Variants in CDH18 observed in about 807,000 individuals in gnomAD.
The protein encoded by CDH18 is cadherin 18, also known as cadherin-18.
CDH18 carries 31 observed loss-of-function variants against 67.9 expected under a neutral mutation model. The ratio of observed to expected loss-of-function variants is 0.46; its 90% confidence interval spans 0.34 to 0.62. CDH18 has a LOEUF of 0.62. Ranked by LOEUF, CDH18 falls within the 20% of genes least tolerant of loss-of-function variation. The pLI, the probability that CDH18 is intolerant of heterozygous loss-of-function variation, is 0.01. For missense variants in CDH18, 890 were observed against 975.5 expected (o/e 0.91, Z 1.17); for synonymous variants, 362 against 347.2 (o/e 1.04, Z -0.48).
chr5:20,135,768 T>A (rs1363368915), intron 2 of CDH18, among the ~76,000 whole-genome samples: 1 of 152,188 alleles, frequency 6.6e-6, no homozygotes. Flanking sequence ...TTTAAATGTG[T>A]CCCAGAGATT....
intron 1 of CDH18, among the ~76,000 whole-genome samples, chr5:20,337,342 T>G (rs1739869952): frequency 6.6e-6 from 1 of 152,238 alleles, no homozygotes; most frequent in Non-Finnish European, 1.5e-5. Flanking sequence ...TTTTATGCTC[T>G]GCTTTCATTA....
At chr5:19,580,825 T>C (rs1413806384) in intron 7 of CDH18, among the ~76,000 whole-genome samples, 1 of 151,928 alleles carries the variant, frequency 6.6e-6, no homozygotes, top group Admixed American at 6.6e-5. Flanking sequence ...GTTATCCTGG[T>C]GGAAATCTAA....
upstream of CDH18, among the ~76,000 whole-genome samples, chr5:19,990,008 C>A (rs1799890843): frequency 1.3e-5 from 2 of 152,130 alleles, no homozygotes; most frequent in Non-Finnish European, 2.9e-5. Context: ...ATTATATATT[C>A]TTTATTATGC....
At chr5:20,344,415 G>T (rs1740536395) in intron 1 of CDH18, among the ~76,000 whole-genome samples, 2 of 152,030 alleles carry the variant, frequency 1.3e-5, no homozygotes, top group Non-Finnish European at 1.5e-5. Context: ...CTTGGTATGG[G>T]TAGATACCTT....
chr5:20,527,810 T>A (rs1464126711), intron 1 of CDH18, among the ~76,000 whole-genome samples: 1 of 151,894 alleles, frequency 6.6e-6, no homozygotes, highest in Admixed American at 6.6e-5. Context: ...AAAAACACAG[T>A]GAAGTACACA....
intron 2 of CDH18, among the ~76,000 whole-genome samples, chr5:19,903,566 T>TATATA (rs61210220): frequency 3.6e-5 from 5 of 139,670 alleles, no homozygotes; most frequent in African/African-American, 7.8e-5. Flanking sequence ...TATATATATA[T>TATATA]TTGTTGAGCC....
chr5:20,474,820 C>G (rs1210939951), intron 1 of CDH18, among the ~76,000 whole-genome samples: 1 of 152,120 alleles, frequency 6.6e-6, no homozygotes, highest in Non-Finnish European at 1.5e-5. Context: ...TTTATTTCAG[C>G]TAAGAATGTG....
intron 2 of CDH18, among the ~76,000 whole-genome samples, chr5:19,840,236 C>T (rs1782137161): frequency 7.0e-6 from 1 of 142,104 alleles, no homozygotes; most frequent in Non-Finnish European, 1.5e-5. Context: ...GATCGCACCA[C>T]TGCACTCCAG....
At chr5:20,265,905 T>C (rs1432911766) in intron 1 of CDH18, among the ~76,000 whole-genome samples, 1 of 152,350 alleles carries the variant, frequency 6.6e-6, no homozygotes, top group Middle Eastern at 3.4e-3. Context: ...CTAGTAAAGA[T>C]GACTGACCTC....
At chr5:19,533,874 A>G (rs1749026948) in intron 9 of CDH18, among the ~76,000 whole-genome samples, 1 of 152,184 alleles carries the variant, frequency 6.6e-6, no homozygotes, top group Non-Finnish European at 1.5e-5. Flanking sequence ...CTGATACAAT[A>G]CATGTAAAGA....
chr5:19,791,842 G>A (rs1776391753), intron 3 of CDH18, among the ~76,000 whole-genome samples: 1 of 152,138 alleles, frequency 6.6e-6, no homozygotes, highest in Admixed American at 6.6e-5. Flanking sequence ...ATTTACACTA[G>A]CTGAAGTAAG....
chr5:20,356,286 G>A (rs142938671), intron 1 of CDH18, among the ~76,000 whole-genome samples: 1 of 152,134 alleles, frequency 6.6e-6, no homozygotes, highest in Non-Finnish European at 1.5e-5. Context: ...GGGAGGCTGA[G>A]GTAGGAGAAC....
chr5:20,386,779 G>A (rs1229181941), intron 1 of CDH18, among the ~76,000 whole-genome samples: 1 of 151,864 alleles, frequency 6.6e-6, no homozygotes, highest in African/African-American at 2.4e-5. Flanking sequence ...TTTGTACATT[G>A]CTGAAAGCTA....
intron 3 of CDH18, among the ~76,000 whole-genome samples, chr5:19,754,018 G>A (rs1038263725): frequency 6.6e-5 from 10 of 151,960 alleles, no homozygotes; most frequent in East Asian, 1.9e-4. Flanking sequence ...GCATCAAAAC[G>A]GAACCTTTTT....
intron 6 of CDH18, among the ~76,000 whole-genome samples, chr5:19,596,459 A>C (rs1746176933): frequency 6.6e-6 from 1 of 152,178 alleles, no homozygotes; most frequent in African/African-American, 2.4e-5. Flanking sequence ...GGTCCAACTA[A>C]ACCAGAATTA....
chr5:19,976,271 A>C (rs1798488776), intron 2 of CDH18, among the ~76,000 whole-genome samples: 2 of 152,216 alleles, frequency 1.3e-5, no homozygotes, highest in Non-Finnish European at 1.5e-5. Context: ...AGGAAAATAA[A>C]GGTCTTTAGA....
At chr5:20,414,642 A>G (rs1747122486) in intron 1 of CDH18, among the ~76,000 whole-genome samples, 1 of 152,206 alleles carries the variant, frequency 6.6e-6, no homozygotes, top group South Asian at 2.1e-4. Context: ...CCAATTACCT[A>G]ACTACTTGAT....
intron 2 of CDH18, among the ~76,000 whole-genome samples, chr5:20,192,410 A>T (rs1440917164): frequency 6.6e-6 from 1 of 152,010 alleles, no homozygotes; most frequent in African/African-American, 2.4e-5. Context: ...GCAGTTTGTC[A>T]TGAAGTCTTT....
chr5:19,838,774 A>T lies in CDH18; in HGVS notation c.213T>A (p.Pro71=), dbSNP rs769392828. 11 of 1,610,582 alleles carry T rather than the reference A, an allele frequency of 6.8e-6. No homozygotes were observed. The South Asian group carries it at 1.2e-4, about 18-fold the overall frequency. ...FVLEEHMGPD[P]QYVGKLHSNS... is the part of the protein sequence containing the mutation. ...AAAATCTTACCTTTCCAACATACTG[A>T]GGATCTGGTCCCATATGTTCTTCTA... The change falls in exon 3 of 13, where the codon CCT becomes CCA. Residue 71 remains proline (P), a synonymous_variant. Coordinates refer to ENST00000382275, the MANE Select transcript of CDH18 (RefSeq NM_004934.5).
Sources: gnomAD v4.1 joint callset for allele counts (sites outside exome capture counted in the v4.1 genomes callset) on GRCh38, gnomAD v4.1.1 for gene constraint, MANE v1.5 for transcripts, NCBI Gene and HGNC (gene_info 2026-07-23, HGNC 2026-07-21) for gene names.